The following SNX25 variants were observed in gnomAD, a reference collection of about 807,000 sequenced individuals.
SNX25 encodes sorting nexin 25, also known as sorting nexin-25.
Under a neutral mutation model 113.7 loss-of-function variants are expected in SNX25, and 62 were observed. The ratio of observed to expected loss-of-function variants is 0.55; its 90% CI spans 0.44 to 0.67. The LOEUF is 0.67. Among genes scored for constraint, SNX25 ranks in the 30% least tolerant of loss-of-function variants. The pLI is 0.00. For missense variants in SNX25, 1,014 were observed against 1,161.0 expected, an observed-to-expected ratio of 0.87 and a Z score of 1.84; for synonymous variants, 421 against 436.2, an observed-to-expected ratio of 0.97 and a Z score of 0.43.
At position 185,281,887 on chromosome 4, in the gene SNX25, G is replaced by A. The variant is rs186730799; in HGVS notation, c.1092-6125G>A. The stretch of plus-strand genomic sequence containing the variant: ...AAAAATTAGCCGGGTATGGTCGTGC[G>A]CACCTGTAATCCCAGCTATTCCAGA... On this transcript the variant is annotated intron_variant, in intron 5 of 18. Transcript: ENST00000652585. 3.9e-3 allele frequency among the ~76,000 whole-genome samples: 591 copies of A among 152,112 alleles called. 3 individuals carry two copies. The highest frequency in any genetic ancestry group is 7.2e-3 in the Non-Finnish European group (487 of 68,002).
intron 5 of SNX25, 73 bp downstream of exon 5, chr4:185,267,228 A>T: frequency 7.0e-7 from 1 of 1,436,062 alleles, no homozygotes; most frequent in Admixed American, 2.2e-5. Context: ...TTAAAAAAAA[A>T]AAAAAGTAGT....
intron 15 of SNX25, among the ~76,000 whole-genome samples, chr4:185,354,036 C>T (rs918031008): frequency 1.0e-3 from 147 of 142,704 alleles, no homozygotes; most frequent in African/African-American, 3.8e-3. Flanking sequence ...AGCGAGACTC[C>T]GTCTCAAAAA....
intron 6 of SNX25, among the ~76,000 whole-genome samples, chr4:185,303,271 G>T (rs1308737657): frequency 6.6e-6 from 1 of 152,046 alleles, no homozygotes. Context: ...TTTTATATGT[G>T]GATTTAATTG....
chr4:185,348,137 T>G (rs1226165500), intron 13 of SNX25, among the ~76,000 whole-genome samples: 1 of 152,174 alleles, frequency 6.6e-6, no homozygotes, highest in Non-Finnish European at 1.5e-5. Flanking sequence ...AACAACCACT[T>G]TTTTTTCCTT....
At chr4:185,285,158 A>G (rs995910763) in intron 5 of SNX25, among the ~76,000 whole-genome samples, 1 of 152,216 alleles carries the variant, frequency 6.6e-6, no homozygotes, top group Non-Finnish European at 1.5e-5. Context: ...ATATATACAC[A>G]TAGATACATA....
the SNX25 span, chr4:185,376,903 T>C: frequency 1.3e-6 from 2 of 1,592,796 alleles, no homozygotes; most frequent in Non-Finnish European, 1.7e-6. Flanking sequence ...AAACAAAAAA[T>C]GATACCTCTT....
intron 2 of SNX25, among the ~76,000 whole-genome samples, chr4:185,248,982 G>A (rs1203697746): frequency 6.6e-6 from 1 of 152,150 alleles, no homozygotes; most frequent in Non-Finnish European, 1.5e-5. Context: ...GTGTATATCA[G>A]TTTATTCTTT....
At position 185,209,605 on chromosome 4, in the gene SNX25, A is replaced by G. The variant is rs1406498933; in HGVS notation, c.-222A>G. ...TCAGGCTGGCCAGGCTTCAGTCACA[A>G]CACGGTGGGGCTCCCTGGCTGCGCC... On this transcript the variant is annotated 5_prime_UTR_variant, in exon 1 of 19. Transcript: ENST00000652585. This position sits in a 1 kb window ranked among gnomAD's most constrained non-coding sequence, Gnocchi z 5.2. 3 of 414,306 alleles carry G rather than the reference A, an allele frequency of 7.2e-6. No homozygotes were observed. The highest frequency in any genetic ancestry group is 2.2e-5 in the African/African-American group (1 of 46,422). The allele number at this position is 414,306 out of a possible 1,614,324, so 25.7% of individuals were successfully genotyped here. A position where few individuals can be genotyped will look rare whatever the true frequency, so the allele number is the denominator to read the frequency against.
intron 1 of SNX25, among the ~76,000 whole-genome samples, chr4:185,237,154 A>G (rs78576778): frequency 1.1e-4 from 14 of 126,604 alleles, no homozygotes; most frequent in African/African-American, 4.0e-4. Context: ...ACTAAGAGGG[A>G]AAAAAAGGCA....
Position 185,363,542 on chromosome 4 carries a change from C to A in SNX25, c.*77C>A. ...ACATTTTCCTCTTTTCCACAGAGGG[C>A]TTAACTGAGAACCGTATTGATTTTT... is the stretch of plus-strand genomic sequence containing the variant. On this transcript the variant is annotated 3_prime_UTR_variant, in exon 19 of 19. Transcript: ENST00000652585. The surrounding 1 kb of genome is among the most constrained non-coding windows in gnomAD (Gnocchi z 4.2). The A allele has an allele frequency of 7.5e-7, 1 of 1,337,370 alleles. No homozygotes were observed. The highest frequency in any genetic ancestry group is 1.1e-6 in the Non-Finnish European group (1 of 932,812). 82.8% of individuals were successfully genotyped at this position (1,337,370 alleles called of 1,614,324 possible).
At chr4:185,230,193 T>G (rs1272182267) in intron 1 of SNX25, among the ~76,000 whole-genome samples, 1 of 152,184 alleles carries the variant, frequency 6.6e-6, no homozygotes, top group Non-Finnish European at 1.5e-5. Context: ...TTTAAAGTGA[T>G]TAATGGCTTG....
At chr4:185,344,838 G>C (rs2095277579) in intron 12 of SNX25, among the ~76,000 whole-genome samples, 1 of 152,136 alleles carries the variant, frequency 6.6e-6, no homozygotes, top group Non-Finnish European at 1.5e-5. Flanking sequence ...TTTAAGGATA[G>C]TGACCCAAAC....
At chr4:185,230,181 C>T (rs902162345) in intron 1 of SNX25, among the ~76,000 whole-genome samples, 4 of 152,044 alleles carry the variant, frequency 2.6e-5, no homozygotes, top group Non-Finnish European at 5.9e-5. Flanking sequence ...TTTTCCTTGC[C>T]TTTTAAAGTG....
At chr4:185,266,416 A>G (rs914395312) in intron 4 of SNX25, among the ~76,000 whole-genome samples, 1 of 152,148 alleles carries the variant, frequency 6.6e-6, no homozygotes, top group Non-Finnish European at 1.5e-5. Context: ...GCTGGAGTGC[A>G]GTGGCGAGAT....
intron 1 of SNX25, among the ~76,000 whole-genome samples, chr4:185,222,337 A>G (rs1740078242): frequency 6.6e-6 from 1 of 151,464 alleles, no homozygotes; most frequent in African/African-American, 2.4e-5. Context: ...AGCACCATAT[A>G]ACCCTCCTTC....
chr4:185,263,417 C>T (rs958750670), intron 3 of SNX25, among the ~76,000 whole-genome samples: 6 of 152,214 alleles, frequency 3.9e-5, no homozygotes, highest in African/African-American at 1.4e-4. Flanking sequence ...AAAAAGTCAG[C>T]GTATCAGTAT....
In SNX25 at chr4:185,258,321, T is replaced by C. The variant is rs1746746249; in HGVS notation, c.515-527T>C. ...CGGGTGCCATGCCTGCTGCTAAATG[T>C]GGCAGGAACAGTCAGAGAAGAACAC... On this transcript the variant is annotated intron_variant, in intron 2 of 18. Transcript: ENST00000652585. 2.6e-5 allele frequency among the ~76,000 whole-genome samples: 4 copies of C among 152,290 alleles called. No individual in the cohort carries two copies. The South Asian group carries it at 8.3e-4, about 32-fold the overall frequency.
chr4:185,270,899 A>G (rs1421265655), intron 5 of SNX25, among the ~76,000 whole-genome samples: 1 of 152,244 alleles, frequency 6.6e-6, no homozygotes, highest in Non-Finnish European at 1.5e-5. Context: ...TGGTATGAAT[A>G]TAGCACATTT....
chr4:185,312,758 C>T, intron 7 of SNX25, among the ~76,000 whole-genome samples: 1 of 152,140 alleles, frequency 6.6e-6, no homozygotes, highest in Non-Finnish European at 1.5e-5. Context: ...ATATCCTGAC[C>T]TCATGATCTG....
Sources: gnomAD v4.1 joint callset for allele counts (sites outside exome capture counted in the v4.1 genomes callset) on GRCh38, gnomAD v4.1.1 for gene constraint, Gnocchi (gnomAD v3.1) non-coding constraint, MANE v1.5 for transcripts, NCBI Gene and HGNC (gene_info 2026-07-23, HGNC 2026-07-21) for gene names.